The following SLC16A12 variants were observed in gnomAD, a reference collection of about 807,000 sequenced individuals.
SLC16A12 encodes the protein solute carrier family 16 member 12.
SLC16A12 carries 17 observed loss-of-function variants against 42.4 expected under a neutral mutation model. The observed-to-expected ratio is 0.40, with a 90% CI of 0.27 to 0.60. The LOEUF (loss-of-function observed/expected upper bound fraction) is 0.60. Ranked by LOEUF, SLC16A12 falls within the 20% of genes least tolerant of loss-of-function variation. The probability of loss-of-function intolerance (pLI) is 0.42; values close to 1 mark genes in which losing one functional copy is unlikely to be tolerated. For synonymous variants in SLC16A12, 224 were observed against 229.4 expected (o/e 0.98, Z 0.21); for missense variants, 544 against 623.0 (o/e 0.87, Z 1.35).
chr10:89,536,446 C>T (rs1431999232), upstream of SLC16A12, among the ~76,000 whole-genome samples: 2 of 151,982 alleles, frequency 1.3e-5, no homozygotes, highest in Non-Finnish European at 2.9e-5. Flanking sequence ...ATGATAGCGC[C>T]CACTTCATGT....
At chr10:89,474,448 A>G (rs1842545955) in intron 2 of SLC16A12, among the ~76,000 whole-genome samples, 1 of 152,228 alleles carries the variant, frequency 6.6e-6, no homozygotes, top group South Asian at 2.1e-4. Context: ...CCCTCAAGTC[A>G]TAAGAAATAA....
Position 89,436,096 on chromosome 10 carries a change from G to A in SLC16A12, c.1252C>T (p.His418Tyr), listed in dbSNP as rs1193518467. The A allele has an allele frequency of 6.2e-7, 1 of 1,613,852 alleles. No homozygotes were observed. Among genetic ancestry groups the A allele is most frequent in the East Asian group, 2.2e-5 (1 of 44,892 alleles). ...SSALGVVYFL[H>Y]AVPYLVSPPI... is the part of the protein sequence containing the mutation. ...GGGCTCACCAAGTATGGCACTGCGT[G>A]AAGGAAGTATACCACACCAAGCGCT... The change falls in exon 7 of 8, where the codon CAC becomes TAC. Residue 418 changes from histidine to tyrosine, a missense_variant. By Grantham distance (83) the His-to-Tyr change is moderately conservative. Transcript: ENST00000371790.
chr10:89,446,483 C>A (rs956975989), intron 3 of SLC16A12, among the ~76,000 whole-genome samples: 4 of 152,128 alleles, frequency 2.6e-5, no homozygotes, highest in African/African-American at 9.7e-5. Context: ...AATTTTCAAC[C>A]CAGAATTTCA....
At chr10:89,485,454 C>T (rs759319136) in intron 2 of SLC16A12, among the ~76,000 whole-genome samples, 1 of 152,224 alleles carries the variant, frequency 6.6e-6, no homozygotes, top group East Asian at 1.9e-4. Flanking sequence ...GCTCATCCTG[C>T]TCCAGGTGCC....
At chr10:89,482,742 T>G (rs144430454) in intron 2 of SLC16A12, among the ~76,000 whole-genome samples, 1 of 149,038 alleles carries the variant, frequency 6.7e-6, no homozygotes, top group African/African-American at 2.5e-5. Flanking sequence ...AAGATCACAC[T>G]ACTGAACTAC....
At chr10:89,523,305 G>T (rs903221044) in intron 2 of SLC16A12, among the ~76,000 whole-genome samples, 8 of 152,046 alleles carry the variant, frequency 5.3e-5, no homozygotes, top group African/African-American at 1.7e-4. Context: ...ACCCTCTAAG[G>T]TCCTGTCTAT....
At chr10:89,459,540 G>GTGTGTGTGTGTGTGTA (rs1471215564) in intron 3 of SLC16A12, among the ~76,000 whole-genome samples, 2 of 150,086 alleles carry the variant, frequency 1.3e-5, no homozygotes, top group Non-Finnish European at 1.5e-5. Flanking sequence ...GTGTGTGTAT[G>GTGTGTGTGTGTGTGTA]TGTGTGTGTG....
chr10:89,439,022 G>T lies in SLC16A12; in HGVS notation c.610C>A (p.Arg204=), dbSNP rs758404955. 4 of 1,614,020 alleles carry T rather than the reference G, an allele frequency of 2.5e-6. No individual in the cohort carries two copies. Among genetic ancestry groups the T allele is most frequent in the South Asian group, 1.1e-5 (1 of 91,058 alleles). Reference sequence around the variant, plus strand: ...CCCCCAAGAATGAGTAAGGCTCCCCGCCAGGAAAACTGTTCAATAAGGAGC... The same window carrying T: ...CCCCCAAGAATGAGTAAGGCTCCCCTCCAGGAAAACTGTTCAATAAGGAGC... ...VQLLIEQFSW[R]GALLILGGFV... The change falls in exon 6 of 8, where the codon CGG becomes AGG. Residue 204 remains arginine, a synonymous_variant. Transcript: ENST00000371790.
chr10:89,544,799 C>T (rs1372915279), intron 2 of SLC16A12, among the ~76,000 whole-genome samples: 1 of 148,682 alleles, frequency 6.7e-6, no homozygotes, highest in Non-Finnish European at 1.5e-5. Context: ...GTTTATGAAA[C>T]CAGGTCTGTC....
At chr10:89,551,940 A>T (rs1489903561) in intron 2 of SLC16A12, among the ~76,000 whole-genome samples, 2 of 152,066 alleles carry the variant, frequency 1.3e-5, no homozygotes, top group Non-Finnish European at 2.9e-5. Flanking sequence ...TTATTTATTT[A>T]TTTTTAATTT....
intron 3 of SLC16A12, among the ~76,000 whole-genome samples, chr10:89,455,471 A>G (rs1019435179): frequency 1.3e-5 from 2 of 152,226 alleles, no homozygotes; most frequent in Non-Finnish European, 2.9e-5. Flanking sequence ...AGCAGGCTTA[A>G]CAAAGGCAAA....
At chr10:89,456,608 G>A (rs922444043) in intron 3 of SLC16A12, among the ~76,000 whole-genome samples, 3 of 151,842 alleles carry the variant, frequency 2.0e-5, no homozygotes, top group African/African-American at 2.4e-5. Context: ...ATAGATAAAC[G>A]TGTGCCATGG....
chr10:89,434,423 C>T (rs1158970750), intron 7 of SLC16A12, among the ~76,000 whole-genome samples: 1 of 152,106 alleles, frequency 6.6e-6, no homozygotes, highest in African/African-American at 2.4e-5. Context: ...GGTTGGTGAG[C>T]ACTAAAATAA....
chr10:89,450,614 AG>A (rs1003404033), intron 3 of SLC16A12, among the ~76,000 whole-genome samples: 3 of 152,148 alleles, frequency 2.0e-5, no homozygotes, highest in African/African-American at 7.2e-5. Flanking sequence ...TCGTGGGGTC[AG>A]GGGATGGGGG....
chr10:89,547,266 G>A lies in SLC16A12; in HGVS notation c.-47+8616C>T, dbSNP rs1271115023. Among the ~76,000 whole-genome samples, 3 of 152,260 alleles carry A rather than the reference G, an allele frequency of 2.0e-5. No individual in the cohort carries two copies. The East Asian group carries it at 5.8e-4, about 29-fold the overall frequency. On this transcript the variant is annotated intron_variant, in intron 2 of 2. Coordinates refer to the SLC16A12 transcript ENST00000475682. ...CACATTATCAGAAGTCTTTTGTATA[G>A]TTTTTATCATACTATTACAATCTTT...
chr10:89,502,180 G>A (rs1445817800), intron 2 of SLC16A12, among the ~76,000 whole-genome samples: 1 of 152,130 alleles, frequency 6.6e-6, no homozygotes, highest in Non-Finnish European at 1.5e-5. Context: ...GCCGGGTGCG[G>A]TGGCTCACAC....
intron 2 of SLC16A12, among the ~76,000 whole-genome samples, chr10:89,483,871 C>A (rs1288139158): frequency 6.6e-6 from 1 of 151,828 alleles, no homozygotes; most frequent in Non-Finnish European, 1.5e-5. Flanking sequence ...TTAATTCTCA[C>A]AAAAACCCTC....
intron 7 of SLC16A12, among the ~76,000 whole-genome samples, 196 bp from the exon 8 acceptor site, chr10:89,433,522 A>G (rs1841727814): frequency 6.6e-6 from 1 of 152,222 alleles, no homozygotes; most frequent in Non-Finnish European, 1.5e-5. Flanking sequence ...AAACTTCTAG[A>G]GTGAATTGAT....
At chr10:89,439,791 G>A (rs1193178969) in intron 5 of SLC16A12, among the ~76,000 whole-genome samples, 1 of 152,072 alleles carries the variant, frequency 6.6e-6, no homozygotes, top group South Asian at 2.1e-4. Flanking sequence ...CAACTTTTGG[G>A]CTGGGTGCAG....
Sources: allele counts gnomAD v4.1 joint callset (sites outside exome capture counted in the v4.1 genomes callset), GRCh38; gene constraint gnomAD v4.1.1; transcripts MANE v1.5; gene names NCBI Gene and HGNC (gene_info 2026-07-23, HGNC 2026-07-21).